Variants in PTPRG observed in about 807,000 individuals in gnomAD.
PTPRG encodes the protein protein tyrosine phosphatase receptor type G.
Under a neutral mutation model 165.3 loss-of-function variants are expected in PTPRG, and 102 were observed. The observed-to-expected ratio is 0.62, with a 90% confidence interval of 0.53 to 0.73. The LOEUF (loss-of-function observed/expected upper bound fraction) is 0.73, where lower values mean the gene tolerates loss of function less well. Among genes scored for constraint, PTPRG ranks in the 30% least tolerant of loss-of-function variants. PTPRG has a pLI of 0.00. For missense variants in PTPRG, 1,866 were observed against 1,861.4 expected, an observed-to-expected ratio of 1.00 and a Z score of -0.05; for synonymous variants, 675 against 669.5, an observed-to-expected ratio of 1.01 and a Z score of -0.13.
At chr3:61,788,095 CG>C (rs2034763965) in intron 2 of PTPRG, among the ~76,000 whole-genome samples, 1 of 152,138 alleles carries the variant, frequency 6.6e-6, no homozygotes, top group South Asian at 2.1e-4. Context: ...AAAGGACACA[CG>C]GCCAACTTCT....
intron 2 of PTPRG, chr3:61,925,807 A>G (rs1230345547): frequency 4.4e-6 from 2 of 457,180 alleles, no homozygotes; most frequent in African/African-American, 4.0e-5. Flanking sequence ...GCCAGTGTTC[A>G]CCAGAGGGGA....
At chr3:61,806,882 CTAAGTT>C (rs2035434994) in intron 2 of PTPRG, among the ~76,000 whole-genome samples, 1 of 152,186 alleles carries the variant, frequency 6.6e-6, no homozygotes, top group South Asian at 2.1e-4. Flanking sequence ...GTGTACCCCT[CTAAGTT>C]CTATTAAATT....
At chr3:62,192,188 C>G (rs898907416) in intron 9 of PTPRG, among the ~76,000 whole-genome samples, 1 of 152,082 alleles carries the variant, frequency 6.6e-6, no homozygotes, top group African/African-American at 2.4e-5. Flanking sequence ...ACCTGCCAAA[C>G]CCCTACAGCT....
intron 2 of PTPRG, among the ~76,000 whole-genome samples, chr3:61,950,612 A>G (rs1355232420): frequency 6.6e-6 from 1 of 152,016 alleles, no homozygotes; most frequent in Non-Finnish European, 1.5e-5. Flanking sequence ...CTTTCTGTAC[A>G]GTTGTGTTAG....
chr3:61,684,868 G>C (rs989946611), intron 1 of PTPRG, among the ~76,000 whole-genome samples: 2 of 152,140 alleles, frequency 1.3e-5, no homozygotes, highest in African/African-American at 4.8e-5. Context: ...AACCAATATG[G>C]GGTGGTGAAG....
chr3:61,805,233 T>C (rs2035375807), intron 2 of PTPRG, among the ~76,000 whole-genome samples: 1 of 152,170 alleles, frequency 6.6e-6, no homozygotes, highest in Non-Finnish European at 1.5e-5. Flanking sequence ...CAGCAAGACT[T>C]GGAGCTACCA....
chr3:62,181,538 G>A (rs1042393658), intron 8 of PTPRG, among the ~76,000 whole-genome samples: 13 of 152,050 alleles, frequency 8.5e-5, no homozygotes, highest in Non-Finnish European at 1.9e-4. Context: ...CCAAGTTTAG[G>A]TCAGGGTTCC....
chr3:62,115,919 C>G (rs1283852887), intron 5 of PTPRG, among the ~76,000 whole-genome samples: 1 of 152,132 alleles, frequency 6.6e-6, no homozygotes, highest in Admixed American at 6.6e-5. Flanking sequence ...TTTTAATTTG[C>G]CGGTCAAGGT....
intron 2 of PTPRG, among the ~76,000 whole-genome samples, chr3:61,792,225 C>A (rs1374108872): frequency 6.6e-6 from 1 of 151,768 alleles, no homozygotes; most frequent in South Asian, 2.1e-4. Context: ...GGGGAAGGAC[C>A]AGTTCTTATT....
chr3:62,101,363 G>A lies in PTPRG; in HGVS notation c.615+23105G>A, dbSNP rs187009319. 1.3e-3 allele frequency among the ~76,000 whole-genome samples: 192 copies of A among 152,286 alleles called. 3 individuals are homozygous for A. Among genetic ancestry groups the A allele is most frequent in the Admixed American group, 0.011 (173 of 15,296 alleles). The stretch of plus-strand genomic sequence containing the variant: ...AAACCAAAACCAACAATTGAAATAT[G>A]GAAAATTCCGACAGGCCATCACATT... On this transcript the variant is annotated intron_variant, in intron 5 of 29. Coordinates refer to ENST00000474889, the MANE Select transcript of PTPRG (RefSeq NM_002841.4).
intron 2 of PTPRG, among the ~76,000 whole-genome samples, chr3:61,885,653 CCTTCTCTCCTCTCCT>C (rs2038008128): frequency 2.6e-5 from 3 of 115,868 alleles, no homozygotes; most frequent in Admixed American, 1.7e-4. Flanking sequence ...TCACTCTTTT[CCTTCTCTCCTCTCCT>C]CTCCTCTCCT....
chr3:61,881,049 T>C (rs556741073), intron 2 of PTPRG, among the ~76,000 whole-genome samples: 61 of 152,070 alleles, frequency 4.0e-4, no homozygotes, highest in Non-Finnish European at 8.1e-4. Context: ...TTTGTGGCCC[T>C]GTCCTTATCA....
At chr3:62,196,283 C>T in intron 10 of PTPRG, among the ~76,000 whole-genome samples, 1 of 151,854 alleles carries the variant, frequency 6.6e-6, no homozygotes, top group Non-Finnish European at 1.5e-5. Flanking sequence ...ATCCCAGCTA[C>T]TCCCAGCTAC....
At position 62,275,331 on chromosome 3, in the gene PTPRG, C is replaced by CA. The variant is rs1201263949; in HGVS notation, c.3466-541dup. Among the ~76,000 whole-genome samples the CA allele has an allele frequency of 7.6e-5, 9 of 117,786 alleles. No individual in the cohort carries two copies. In the East Asian group the frequency reaches 1.5e-3, roughly 20 times the overall value. The allele number at this position is 117,786 out of a possible 152,430, so 77.3% of individuals were successfully genotyped here. On this transcript the variant is annotated intron_variant, in intron 23 of 29. Transcript: ENST00000474889. ...TAAGCAATCTTTTTTAATGTAGACTCACGTAGGTCTTTTATGCCAGTGAGG... is the reference window on the plus strand; with the variant it reads ...TAAGCAATCTTTTTTAATGTAGACTCAACGTAGGTCTTTTATGCCAGTGAGG...
intron 2 of PTPRG, among the ~76,000 whole-genome samples, chr3:61,760,079 T>A (rs2033782660): frequency 6.6e-6 from 1 of 152,204 alleles, no homozygotes; most frequent in Admixed American, 6.5e-5. Flanking sequence ...AAATTTTATC[T>A]AAGCAGTAGT....
intron 6 of PTPRG, among the ~76,000 whole-genome samples, chr3:62,146,381 G>A (rs1460731116): frequency 2.0e-5 from 3 of 152,046 alleles, no homozygotes; most frequent in Non-Finnish European, 4.4e-5. Context: ...TTCAAGACAG[G>A]GATCTGATTA....
At chr3:61,619,508 C>G (rs893356033) in intron 1 of PTPRG, among the ~76,000 whole-genome samples, 1 of 152,138 alleles carries the variant, frequency 6.6e-6, no homozygotes, top group Non-Finnish European at 1.5e-5. Flanking sequence ...CACAGGACAG[C>G]CACCGCAGGA....
intron 2 of PTPRG, among the ~76,000 whole-genome samples, chr3:61,775,745 C>T (rs2034358740): frequency 6.6e-6 from 1 of 151,960 alleles, no homozygotes; most frequent in Non-Finnish European, 1.5e-5. Context: ...TACGATGCAG[C>T]CATAAAAAAC....
chr3:62,223,032 GC>G (rs1700685205), intron 13 of PTPRG, among the ~76,000 whole-genome samples: 1 of 152,140 alleles, frequency 6.6e-6, no homozygotes, highest in Non-Finnish European at 1.5e-5. Context: ...CCAGCTGTCA[GC>G]CAGGTGAAGA....
Sources: allele counts gnomAD v4.1 joint callset (sites outside exome capture counted in the v4.1 genomes callset), GRCh38; gene constraint gnomAD v4.1.1; transcripts MANE v1.5; gene names NCBI Gene and HGNC (gene_info 2026-07-23, HGNC 2026-07-21).